Variants in ARHGAP28 observed in about 807,000 individuals in gnomAD.
The protein encoded by ARHGAP28 is Rho GTPase activating protein 28.
In ARHGAP28, 56 loss-of-function variants were observed where a neutral mutation model predicts 90.7. The ratio of observed to expected loss-of-function variants is 0.62; its 90% CI spans 0.50 to 0.77. The LOEUF (loss-of-function observed/expected upper bound fraction) is 0.77, where lower values mean the gene tolerates loss of function less well. Ranked by LOEUF, ARHGAP28 falls within the 30% of genes least tolerant of loss-of-function variation. ARHGAP28 has a pLI of 0.00. For missense variants in ARHGAP28, 869 were observed against 900.9 expected, an observed-to-expected ratio of 0.96 and a Z score of 0.45; for synonymous variants, 308 against 323.3, an observed-to-expected ratio of 0.95 and a Z score of 0.51.
chr18:6,876,025 A>G (rs1487579654), intron 9 of ARHGAP28, 106 bp from the exon 10 acceptor site: 1 of 916,498 alleles, frequency 1.1e-6, no homozygotes, highest in Non-Finnish European at 1.7e-6. Flanking sequence ...CCAGGCAAAT[A>G]TATATATGCT....
At chr18:6,743,869 T>C (rs1005280440) in intron 1 of ARHGAP28, among the ~76,000 whole-genome samples, 1 of 152,206 alleles carries the variant, frequency 6.6e-6, no homozygotes, top group African/African-American at 2.4e-5. Flanking sequence ...ACAAAAATGG[T>C]TAATAGCTGG....
chr18:6,792,088 T>C (rs894240667), intron 1 of ARHGAP28, among the ~76,000 whole-genome samples: 1 of 152,114 alleles, frequency 6.6e-6, no homozygotes. Context: ...TGAACCACTG[T>C]GCCTGGTTTA....
chr18:6,847,158 G>A (rs1051970876), intron 3 of ARHGAP28, among the ~76,000 whole-genome samples: 2 of 152,088 alleles, frequency 1.3e-5, no homozygotes, highest in African/African-American at 4.8e-5. Flanking sequence ...TTGGCTGGGG[G>A]ACCTTCTCTG....
At chr18:6,807,312 G>A (rs2056525953) in intron 1 of ARHGAP28, among the ~76,000 whole-genome samples, 1 of 152,040 alleles carries the variant, frequency 6.6e-6, no homozygotes, top group South Asian at 2.1e-4. Flanking sequence ...TGTAGTGATT[G>A]CATTTTCTCC....
chr18:6,850,804 G>A, intron 3 of ARHGAP28: 1 of 1,521,658 alleles, frequency 6.6e-7, no homozygotes, highest in Non-Finnish European at 8.7e-7. Context: ...GAAGCTAGCA[G>A]AGTTTGCTTC....
chr18:6,887,513 G>T lies in ARHGAP28; in HGVS notation c.1536+274G>T, dbSNP rs1306534150. 3.3e-5 allele frequency among the ~76,000 whole-genome samples: 5 copies of T among 150,800 alleles called. No homozygotes were observed. The East Asian group carries it at 5.9e-4, about 18-fold the overall frequency. ...TGGCACGATCACAACTCACTGCAGC[G>T]TTGACTTCCCAGGGCCAGGTGATTC... On this transcript the variant is annotated intron_variant, in intron 12 of 17. Transcript: ENST00000383472.
chr18:6,831,518 T>C (rs2056716720), intron 2 of ARHGAP28, among the ~76,000 whole-genome samples: 1 of 147,376 alleles, frequency 6.8e-6, no homozygotes, highest in Admixed American at 6.9e-5. Flanking sequence ...CTCTAAGTTT[T>C]AGGGTACATG....
At chr18:6,783,981 G>C (rs564365614) in intron 1 of ARHGAP28, among the ~76,000 whole-genome samples, 1 of 152,246 alleles carries the variant, frequency 6.6e-6, no homozygotes, top group South Asian at 2.1e-4. Context: ...CCTGGTTGCT[G>C]TTAAGTTCCT....
At chr18:6,847,685 T>C (rs1600242856) in intron 3 of ARHGAP28, among the ~76,000 whole-genome samples, 1 of 151,964 alleles carries the variant, frequency 6.6e-6, no homozygotes, top group East Asian at 1.9e-4. Context: ...CAAACACTTA[T>C]ATATGGTATT....
intron 3 of ARHGAP28, among the ~76,000 whole-genome samples, chr18:6,841,188 T>TCCTCTCTCACTGTCTCTCTC (rs1434789906): frequency 1.7e-5 from 1 of 60,512 alleles, no homozygotes; most frequent in African/African-American, 9.4e-5. Flanking sequence ...CTCCTCTCTC[T>TCCTCTCTCACTGTCTCTCTC]CTCTCTCTCT....
intron 9 of ARHGAP28, 129 bp downstream of exon 9, chr18:6,873,904 G>A (rs2057110487): frequency 1.2e-6 from 1 of 807,258 alleles, no homozygotes; most frequent in Non-Finnish European, 2.0e-6. Flanking sequence ...TCAGGCCCCT[G>A]GTGATTTTCA....
intron 4 of ARHGAP28, among the ~76,000 whole-genome samples, chr18:6,854,838 G>A (rs1024247113): frequency 2.6e-5 from 4 of 152,142 alleles, no homozygotes; most frequent in African/African-American, 9.7e-5. Flanking sequence ...CCATAGGCTT[G>A]GAAGTGCCTG....
intron 17 of ARHGAP28, among the ~76,000 whole-genome samples, chr18:6,910,995 T>C (rs571522): frequency 0.81 from 122,026 of 151,320 alleles, 49,525 homozygotes; most frequent in Non-Finnish European, 0.86. Flanking sequence ...CAGGCGCCCA[T>C]CACCACGCCC....
intron 1 of ARHGAP28, among the ~76,000 whole-genome samples, chr18:6,748,225 C>T (rs1191644009): frequency 6.6e-6 from 1 of 152,124 alleles, no homozygotes; most frequent in Non-Finnish European, 1.5e-5. Context: ...AACAAATATT[C>T]GGTTCAACGA....
intron 1 of ARHGAP28, among the ~76,000 whole-genome samples, chr18:6,819,946 TG>T (rs1371968211): frequency 2.0e-5 from 3 of 152,192 alleles, no homozygotes; most frequent in Non-Finnish European, 2.9e-5. Flanking sequence ...TTGCCCTTTC[TG>T]GGGGAAACCT....
At chr18:6,787,000 A>T (rs2056370230) in intron 1 of ARHGAP28, among the ~76,000 whole-genome samples, 1 of 151,974 alleles carries the variant, frequency 6.6e-6, no homozygotes, top group Non-Finnish European at 1.5e-5. Context: ...CCGACGGATC[A>T]CCTGAGGTCA....
intron 11 of ARHGAP28, among the ~76,000 whole-genome samples, chr18:6,883,216 C>G (rs1037965516): frequency 1.3e-5 from 2 of 150,102 alleles, no homozygotes; most frequent in African/African-American, 4.9e-5. Flanking sequence ...CGAAAACTCT[C>G]AATTTGAGAG....
At position 6,900,278 on chromosome 18, in the gene ARHGAP28, C is replaced by T. The variant is rs572526086; in HGVS notation, c.2030+3652C>T. Among the ~76,000 whole-genome samples, 7 of 121,074 alleles carry T rather than the reference C, an allele frequency of 5.8e-5. No homozygotes were observed. In the East Asian group the frequency reaches 1.8e-3, roughly 31 times the overall value. The allele number at this position is 121,074 out of a possible 152,430, so 79.4% of individuals were successfully genotyped here. A position where few individuals can be genotyped will look rare whatever the true frequency, so the allele number is the denominator to read the frequency against. Reference sequence around the variant, plus strand: ...ATGTTCACAATACAACCCAAAATCACTCATAAAAGCAAAATCACATGAATG... The same window carrying T: ...ATGTTCACAATACAACCCAAAATCATTCATAAAAGCAAAATCACATGAATG... On this transcript the variant is annotated intron_variant, in intron 16 of 17. Coordinates refer to ENST00000383472, the MANE Select transcript of ARHGAP28 (RefSeq NM_001366230.1).
intron 1 of ARHGAP28, among the ~76,000 whole-genome samples, chr18:6,810,090 G>A (rs1264613265): frequency 6.6e-6 from 1 of 152,158 alleles, no homozygotes; most frequent in Non-Finnish European, 1.5e-5. Flanking sequence ...AATTTCAGCT[G>A]ATTGTTGAGA....
Sources: allele counts gnomAD v4.1 joint callset (sites outside exome capture counted in the v4.1 genomes callset), GRCh38; gene constraint gnomAD v4.1.1; transcripts MANE v1.5; gene names NCBI Gene and HGNC (gene_info 2026-07-23, HGNC 2026-07-21).